YTHDC2: variants seen among roughly 807,000 people sequenced by gnomAD.
YTHDC2 encodes the protein YTH N6-methyladenosine RNA binding protein C2.
YTHDC2 carries 45 observed loss-of-function variants against 174.9 expected under a neutral mutation model. The ratio of observed to expected loss-of-function variants is 0.26; its 90% CI spans 0.20 to 0.33. The LOEUF (loss-of-function observed/expected upper bound fraction) is 0.33, where lower values mean the gene tolerates loss of function less well. Ranked by LOEUF, YTHDC2 falls within the 10% of genes least tolerant of loss-of-function variation. The pLI, the probability that YTHDC2 is intolerant of heterozygous loss-of-function variation, is 1.00. For synonymous variants in YTHDC2, 657 were observed against 574.5 expected (o/e 1.14, Z -2.05); for missense variants, 1,650 against 1,723.7 (o/e 0.96, Z 0.76).
At chr5:113,515,801 G>C (rs908326372) in intron 2 of YTHDC2, among the ~76,000 whole-genome samples, 2 of 152,154 alleles carry the variant, frequency 1.3e-5, no homozygotes, top group African/African-American at 4.8e-5. Context: ...CAAAGGAAAA[G>C]GACTTTGAAC....
chr5:113,554,638 C>G (rs2112677884), intron 16 of YTHDC2, among the ~76,000 whole-genome samples: 1 of 152,016 alleles, frequency 6.6e-6, no homozygotes, highest in Non-Finnish European at 1.5e-5. Context: ...TGGTTGCTGC[C>G]TTCATACTGC....
intron 22 of YTHDC2, 130 bp downstream of exon 22, chr5:113,567,427 T>TATATATATGTATAA (rs138503872): frequency 2.7e-6 from 1 of 372,290 alleles, no homozygotes; most frequent in Admixed American, 5.4e-5. Flanking sequence ...TATATATATA[T>TATATATATGTATAA]CATTAAATAT....
At chr5:113,539,967 T>A (rs1775338583) in intron 8 of YTHDC2, among the ~76,000 whole-genome samples, 1 of 152,172 alleles carries the variant, frequency 6.6e-6, no homozygotes, top group South Asian at 2.1e-4. Flanking sequence ...ATTGGTGCAA[T>A]CATGGCTCAC....
Position 113,567,779 on chromosome 5 carries a change from C to T in YTHDC2, c.3174C>T (p.Val1058=), listed in dbSNP as rs1490328068. ...NIRCCSAVTP[V]TILVFCGPAR... is the part of the protein sequence containing the mutation. Reference sequence around the variant, plus strand: ...GATGTTGTTCAGCAGTGACGCCTGTCACTATATTGGTATTCTGTGGACCAG... The same window carrying T: ...GATGTTGTTCAGCAGTGACGCCTGTTACTATATTGGTATTCTGTGGACCAG... Residue 1058 remains valine, a synonymous_variant, in exon 23 of 30, where the codon GTC becomes GTT. Transcript: ENST00000161863. 1.8e-5 allele frequency: 29 copies of T among 1,608,996 alleles called. No homozygotes were observed. Among genetic ancestry groups the T allele is most frequent in the Non-Finnish European group, 2.5e-5 (29 of 1,177,492 alleles).
chr5:113,518,104 T>G (rs961281429), intron 2 of YTHDC2, among the ~76,000 whole-genome samples: 2 of 151,964 alleles, frequency 1.3e-5, no homozygotes, highest in African/African-American at 2.4e-5. Flanking sequence ...TAGCCAGGAT[T>G]GTCTAGATCT....
intron 2 of YTHDC2, among the ~76,000 whole-genome samples, chr5:113,522,252 T>G (rs575955128): frequency 3.2e-4 from 49 of 151,728 alleles, no homozygotes; most frequent in African/African-American, 1.1e-3. Flanking sequence ...TCTTTTAAAC[T>G]GTTCTTAGAT....
chr5:113,579,493 G>T, intron 23 of YTHDC2, 93 bp from the exon 24 acceptor site: 2 of 804,806 alleles, frequency 2.5e-6, no homozygotes, highest in Non-Finnish European at 3.8e-6. Context: ...TGTCAGGAGG[G>T]TTTGTGTATA....
chr5:113,581,697 C>T lies in YTHDC2; in HGVS notation c.3635C>T (p.Thr1212Ile), dbSNP rs541563343. The change falls in exon 25 of 30, where the codon ACT (threonine) becomes ATT (isoleucine). Residue 1212 changes from threonine (T) to isoleucine (I), a missense_variant. Physicochemically the swap from Thr to Ile is moderately conservative, Grantham distance 89 (BLOSUM62 -1). This residue lies in a region of YTHDC2 where 913 missense variants were observed against 940.4 expected (regional missense o/e 0.97). Coordinates refer to ENST00000161863, the MANE Select transcript of YTHDC2 (RefSeq NM_022828.5). ...GATACTGAATTTTCTGATGAGTGTA[C>T]TACTGCAGAAAGGTAAATTTATGAC... ...SADTEFSDEC[T>I]TAERVLMKSP... 3 of 1,565,288 alleles carry T rather than the reference C, an allele frequency of 1.9e-6. No homozygotes were observed. The highest frequency in any genetic ancestry group is 1.7e-4 in the Middle Eastern group (1 of 5,824).
intron 27 of YTHDC2, among the ~76,000 whole-genome samples, 188 bp downstream of exon 27, chr5:113,591,432 G>T (rs1405896359): frequency 1.3e-5 from 2 of 152,066 alleles, no homozygotes; most frequent in Non-Finnish European, 1.5e-5. Flanking sequence ...TTTTTGCCTT[G>T]TCTTACCAGA....
chr5:113,520,113 A>G (rs1773761493), intron 2 of YTHDC2, among the ~76,000 whole-genome samples: 1 of 151,650 alleles, frequency 6.6e-6, no homozygotes, highest in South Asian at 2.1e-4. Context: ...ATGTGTTCTC[A>G]TTTTTCAACT....
chr5:113,591,052 T>G lies in YTHDC2; in HGVS notation c.3837T>G (p.Ser1279=), dbSNP rs763914474. ...SPPSSGKGSK[S]PSPRPNMPVR... ...GTTTTCTTTTATAGGGCTCAAAATC[T>G]CCTTCGCCAAGACCAAACATGCCTG... The change falls in exon 27 of 30, where the codon TCT becomes TCG. Residue 1279 remains serine, a synonymous_variant. Coordinates refer to ENST00000161863, the MANE Select transcript of YTHDC2 (RefSeq NM_022828.5). 1.4e-5 allele frequency: 22 copies of G among 1,613,388 alleles called. No homozygotes were observed. The highest frequency in any genetic ancestry group is 1.8e-5 in the Non-Finnish European group (21 of 1,179,728).
chr5:113,514,258 C>T (rs1169017157), intron 1 of YTHDC2, 176 bp downstream of exon 1: 1 of 781,174 alleles, frequency 1.3e-6, no homozygotes, highest in Admixed American at 2.0e-5. Flanking sequence ...GGCTGTTGGC[C>T]CTGCGGTGGA....
rs1381903783 is a variant in YTHDC2 at position 113,579,695 on chromosome 5, G to A, written c.3354G>A (p.Glu1118=). Residue 1118 remains glutamate (E), a splice_region_variant and synonymous_variant, in exon 24 of 30, where the codon GAG becomes GAA. Coordinates refer to ENST00000161863, the MANE Select transcript of YTHDC2 (RefSeq NM_022828.5). ...GGCTCCATTTCACACTGGAGCCAGA[G>A]GTAAGTTGCTTTCAAGTAGTGTAAT... ...DEWLHFTLEP[E]AASLLLQLRQ... 6.3e-7 allele frequency: 1 copy of A among 1,599,830 alleles called. No homozygotes were observed. Among genetic ancestry groups the A allele is most frequent in the African/African-American group, 1.3e-5 (1 of 74,200 alleles).
chr5:113,592,086 A>G lies in YTHDC2; in HGVS notation c.4120A>G (p.Ile1374Val). The G allele has an allele frequency of 3.7e-6, 6 of 1,613,204 alleles. No homozygotes were observed. Among genetic ancestry groups the G allele is most frequent in the Non-Finnish European group, 5.1e-6 (6 of 1,179,570 alleles). The change falls in exon 28 of 30, where the codon ATA becomes GTA. Residue 1374 changes from isoleucine (I) to valine (V), a missense_variant. By Grantham distance (29) the Ile-to-Val change is conservative. Transcript: ENST00000161863. Reference sequence around the variant, plus strand: ...AGGAGGAGTATTTAAGGTGGAGTGGATACGAAAAGAAAGCCTTCCCTTTCA... The same window carrying G: ...AGGAGGAGTATTTAAGGTGGAGTGGGTACGAAAAGAAAGCCTTCCCTTTCA... ...GLGGVFKVEW[I>V]RKESLPFQFA... is the part of the protein sequence containing the mutation.
At chr5:113,570,201 A>G (rs1400861164) in intron 23 of YTHDC2, among the ~76,000 whole-genome samples, 2 of 152,006 alleles carry the variant, frequency 1.3e-5, no homozygotes, top group African/African-American at 4.8e-5. Context: ...GGTTCAAGCA[A>G]TTCTCCTGCC....
At chr5:113,555,448 A>G (rs929415624) in intron 16 of YTHDC2, among the ~76,000 whole-genome samples, 8 of 152,280 alleles carry the variant, frequency 5.3e-5, no homozygotes, top group East Asian at 1.9e-4. Context: ...TTTCTCTACA[A>G]TAAATTTTCA....
At chr5:113,557,169 G>C (rs1436494492) in intron 17 of YTHDC2, among the ~76,000 whole-genome samples, 1 of 152,068 alleles carries the variant, frequency 6.6e-6, no homozygotes, top group Non-Finnish European at 1.5e-5. Context: ...GGATTTGTGG[G>C]GTTCTTGGAG....
intron 3 of YTHDC2, among the ~76,000 whole-genome samples, chr5:113,525,468 T>TA (rs1289918482): frequency 6.6e-6 from 1 of 152,050 alleles, no homozygotes; most frequent in Non-Finnish European, 1.5e-5. Context: ...TGGGGCCTCC[T>TA]AGCAACCTTT....
intron 2 of YTHDC2, among the ~76,000 whole-genome samples, chr5:113,517,224 G>A (rs867350578): frequency 1.3e-5 from 2 of 152,184 alleles, no homozygotes; most frequent in Middle Eastern, 3.4e-3. Context: ...GTTTAATCAC[G>A]TGATCACATT....
Sources: gnomAD v4.1 joint callset for allele counts (sites outside exome capture counted in the v4.1 genomes callset) on GRCh38, gnomAD v4.1.1 for gene constraint, gnomAD v4.1.1 regional missense constraint, MANE v1.5 for transcripts, NCBI Gene and HGNC (gene_info 2026-07-23, HGNC 2026-07-21) for gene names.